The following MAGI2 variants were observed in gnomAD, a reference collection of about 807,000 sequenced individuals.
The protein encoded by MAGI2 is membrane-associated guanylate kinase, WW and PDZ domain-containing protein 2.
Under a neutral mutation model 133.3 loss-of-function variants are expected in MAGI2, and 35 were observed. The ratio of observed to expected loss-of-function variants is 0.26; its 90% confidence interval spans 0.20 to 0.35. The LOEUF is 0.35. Ranked by LOEUF, MAGI2 falls within the 10% of genes least tolerant of loss-of-function variation. The probability of loss-of-function intolerance (pLI) is 1.00; values close to 1 mark genes in which losing one functional copy is unlikely to be tolerated. For missense variants in MAGI2, 1,636 were observed against 1,863.4 expected, an observed-to-expected ratio of 0.88 and a Z score of 2.25; for synonymous variants, 729 against 710.6, an observed-to-expected ratio of 1.03 and a Z score of -0.41.
chr7:78,274,292 C>A (rs751961841), intron 9 of MAGI2, among the ~76,000 whole-genome samples: 28 of 152,164 alleles, frequency 1.8e-4, no homozygotes, highest in Non-Finnish European at 3.8e-4. Context: ...AAGTTTGTTG[C>A]CTGTTCCTTC....
At chr7:78,595,504 TAAAG>T (rs1330222790) in intron 3 of MAGI2, among the ~76,000 whole-genome samples, 1 of 152,228 alleles carries the variant, frequency 6.6e-6, no homozygotes, top group Non-Finnish European at 1.5e-5. Flanking sequence ...CCTAAGCTGC[TAAAG>T]AACAAGTTTC....
chr7:78,696,810 C>T (rs1214459071), intron 2 of MAGI2, among the ~76,000 whole-genome samples: 1 of 152,108 alleles, frequency 6.6e-6, no homozygotes, highest in Non-Finnish European at 1.5e-5. Context: ...GCTCTCATTA[C>T]TTCATTCTTC....
chr7:79,343,548 TAAA>T (rs10574791), intron 1 of MAGI2, among the ~76,000 whole-genome samples: 36 of 149,806 alleles, frequency 2.4e-4, no homozygotes, highest in East Asian at 5.9e-4. Flanking sequence ...GTATTTTCTT[TAAA>T]AAAAAAAAAG....
At position 79,028,247 on chromosome 7, in the gene MAGI2, A is replaced by C. The variant is rs933738732; in HGVS notation, c.302-21041T>G. Among the ~76,000 whole-genome samples the C allele has an allele frequency of 4.2e-3, 196 of 46,888 alleles. 3 individuals carry two copies. Among genetic ancestry groups the C allele is most frequent in the Middle Eastern group, 0.021 (2 of 94 alleles). The allele number at this position is 46,888 out of a possible 152,430, so 30.8% of individuals were successfully genotyped here. On this transcript the variant is annotated intron_variant, in intron 1 of 21. Coordinates refer to ENST00000354212, the MANE Select transcript of MAGI2 (RefSeq NM_012301.4). ...TATATATATGTATGTATATATATAT[A>C]TATATATATATATATATATATGTAT...
chr7:78,498,778 G>A (rs755895849), intron 5 of MAGI2, among the ~76,000 whole-genome samples: 3 of 152,126 alleles, frequency 2.0e-5, no homozygotes, highest in Non-Finnish European at 4.4e-5. Context: ...GGGAGCAGGC[G>A]GGCAGGGATG....
intron 1 of MAGI2, among the ~76,000 whole-genome samples, chr7:79,282,340 G>A (rs1835712174): frequency 6.6e-6 from 1 of 152,076 alleles, no homozygotes; most frequent in Admixed American, 6.6e-5. Context: ...AATTACAAAC[G>A]GTTTTTACTT....
chr7:79,417,046 G>A (rs1846584389), intron 1 of MAGI2, among the ~76,000 whole-genome samples: 1 of 151,724 alleles, frequency 6.6e-6, no homozygotes, highest in Non-Finnish European at 1.5e-5. Context: ...CTTTCTACTT[G>A]TGCATGTGAT....
At chr7:79,246,739 ACG>A (rs1190488865) in intron 1 of MAGI2, among the ~76,000 whole-genome samples, 1 of 152,220 alleles carries the variant, frequency 6.6e-6, no homozygotes, top group Non-Finnish European at 1.5e-5. Flanking sequence ...AGTTTGTTCA[ACG>A]GAATAATAAT....
At chr7:79,184,890 C>T (rs1016888180) in intron 1 of MAGI2, among the ~76,000 whole-genome samples, 1 of 149,078 alleles carries the variant, frequency 6.7e-6, no homozygotes, top group East Asian at 2.0e-4. Context: ...TTCATAACCT[C>T]CTTTCCTCAC....
intron 2 of MAGI2, among the ~76,000 whole-genome samples, chr7:78,655,678 T>C (rs1056538311): frequency 2.6e-5 from 4 of 151,938 alleles, no homozygotes; most frequent in African/African-American, 9.7e-5. Context: ...AGAAGATATG[T>C]GTTTAGAAAG....
At chr7:78,765,303 A>T (rs1409963195) in intron 2 of MAGI2, among the ~76,000 whole-genome samples, 1 of 133,102 alleles carries the variant, frequency 7.5e-6, no homozygotes, top group East Asian at 2.4e-4. Context: ...GTATTCATTT[A>T]TTCATTCAGT....
chr7:78,378,933 C>T (rs73138652), intron 6 of MAGI2, among the ~76,000 whole-genome samples: 4,146 of 152,022 alleles, frequency 0.027, 87 homozygotes, highest in Middle Eastern at 0.051. Flanking sequence ...AATGAGCTCA[C>T]GTACTATTGC....
At chr7:79,344,890 T>C (rs974786742) in intron 1 of MAGI2, among the ~76,000 whole-genome samples, 46 of 152,102 alleles carry the variant, frequency 3.0e-4, no homozygotes, top group African/African-American at 1.1e-3. Context: ...TCCCCAATAG[T>C]AGCGCTTGGG....
intron 2 of MAGI2, among the ~76,000 whole-genome samples, chr7:78,848,235 G>C (rs1486434419): frequency 2.6e-5 from 4 of 151,686 alleles, no homozygotes; most frequent in African/African-American, 9.7e-5. Context: ...TCTTCCTCTA[G>C]AGCTCTCCTG....
At chr7:78,345,307 C>G (rs1387834521) in intron 8 of MAGI2, 4 of 152,166 alleles carry the variant, frequency 2.6e-5, no homozygotes, top group Non-Finnish European at 5.9e-5. Context: ...AGCAGGCAAG[C>G]CTAGGCCTCC....
At chr7:78,731,145 T>C (rs181092492) in intron 2 of MAGI2, among the ~76,000 whole-genome samples, 32 of 152,282 alleles carry the variant, frequency 2.1e-4, no homozygotes, top group African/African-American at 3.1e-4. Flanking sequence ...AGAAGTGCCA[T>C]TGAAGTCTTT....
At chr7:78,867,390 G>C (rs2151513608) in intron 2 of MAGI2, among the ~76,000 whole-genome samples, 1 of 150,830 alleles carries the variant, frequency 6.6e-6, no homozygotes, top group South Asian at 2.1e-4. Flanking sequence ...GTCCTTTGTA[G>C]GGACATGGAT....
At chr7:78,677,487 G>A (rs768306492) in intron 2 of MAGI2, among the ~76,000 whole-genome samples, 1 of 151,804 alleles carries the variant, frequency 6.6e-6, no homozygotes, top group Admixed American at 6.6e-5. Flanking sequence ...GGTACTTAAA[G>A]TTTAAATGAG....
chr7:78,177,977 C>T, intron 14 of MAGI2, 34 bp downstream of exon 14: 3 of 1,446,344 alleles, frequency 2.1e-6, no homozygotes, highest in Non-Finnish European at 2.9e-6. Context: ...TACAATACAG[C>T]CCCAAGCATG....
Sources: allele counts gnomAD v4.1 joint callset (sites outside exome capture counted in the v4.1 genomes callset), GRCh38; gene constraint gnomAD v4.1.1; transcripts MANE v1.5; gene names NCBI Gene and HGNC (gene_info 2026-07-23, HGNC 2026-07-21).